PLS3: variants seen among roughly 807,000 people sequenced by gnomAD.
The protein encoded by PLS3 is plastin 3.
In PLS3, 11 loss-of-function variants were observed where a neutral mutation model predicts 46.5. That is an observed-to-expected ratio of 0.24 (90% CI 0.15 to 0.39). The LOEUF (loss-of-function observed/expected upper bound fraction) is 0.39, where lower values mean the gene tolerates loss of function less well. Among genes scored for constraint, PLS3 ranks in the 10% least tolerant of loss-of-function variants. The pLI is 1.00. For synonymous variants in PLS3, 167 were observed against 162.2 expected, an observed-to-expected ratio of 1.03 and a Z score of -0.22; for missense variants, 308 against 461.8, an observed-to-expected ratio of 0.67 and a Z score of 3.05.
chrX:115,567,312 A>G lies in PLS3; in HGVS notation c.-9+6052A>G, dbSNP rs1267970125. 2.7e-5 allele frequency among the ~76,000 whole-genome samples: 3 copies of G among 111,408 alleles called. No individual in the cohort carries two copies. In the Admixed American group the frequency reaches 2.9e-4, roughly 11 times the overall value. On this transcript the variant is annotated intron_variant, in intron 1 of 15. Coordinates refer to ENST00000355899, the MANE Select transcript of PLS3 (RefSeq NM_005032.7). ...GTAGCATGCCATGAATAACACAAAA[A>G]ATGGCCTGGCACGGTGGCTCACATC...
intron 1 of PLS3, among the ~76,000 whole-genome samples, chrX:115,565,596 T>C (rs2074167109): frequency 8.9e-6 from 1 of 111,894 alleles, no homozygotes; most frequent in Non-Finnish European, 1.9e-5. Flanking sequence ...GCTCAAGCTT[T>C]TTGGTTTGCT....
Position 115,629,217 on chromosome X carries a change from G to A in PLS3, c.257G>A (p.Ser86Asn). Residue 86 changes from serine (S) to asparagine (N), a missense_variant, in exon 4 of 16, where the codon AGT becomes AAT. Coordinates refer to ENST00000355899, the MANE Select transcript of PLS3 (RefSeq NM_005032.7). The part of the protein sequence containing the change: ...EFVYIFQEVK[S>N]SDIAKTFRKA... ...TAATAGATTTTTCAAGAGGTAAAAA[G>A]TAGTGATATTGCCAAGACCTTCCGC... is the stretch of plus-strand genomic sequence containing the variant. 1 of 1,183,295 alleles carries A rather than the reference G, an allele frequency of 8.5e-7. No homozygotes were observed. The highest frequency in any genetic ancestry group is 1.1e-6 in the Non-Finnish European group (1 of 871,425).
intron 1 of PLS3, among the ~76,000 whole-genome samples, chrX:115,600,802 G>A (rs782482747): frequency 2.7e-4 from 30 of 111,415 alleles, no homozygotes; most frequent in Admixed American, 1.5e-3. Context: ...AAGATCAGTG[G>A]GAGGTGGAGT....
At chrX:115,647,829 A>G (rs2074967921) in intron 14 of PLS3, 64 bp from the exon 15 acceptor site, 13 of 1,182,506 alleles carry the variant, frequency 1.1e-5, no homozygotes, top group Middle Eastern at 2.5e-4. Context: ...GGCACTTGAT[A>G]TAAGTAAGCA....
At chrX:115,568,445 A>T (rs1343548585) in intron 1 of PLS3, among the ~76,000 whole-genome samples, 1 of 112,271 alleles carries the variant, frequency 8.9e-6, no homozygotes, top group Non-Finnish European at 1.9e-5. Context: ...CTTTTCATTT[A>T]TTACATTATA....
rs142569974 is a variant in PLS3 at position 115,640,490 on chromosome X, T to C, written c.974T>C (p.Met325Thr). Residue 325 changes from methionine (M) to threonine (T), a missense_variant, in exon 9 of 16, where the codon ATG becomes ACG. Transcript: ENST00000355899. The stretch of plus-strand genomic sequence containing the variant: ...GGTGAACCACGGATAGATATTAACA[T>C]GTCAGGTTTCAATGTAAGTATAAGT... ...KEGEPRIDIN[M>T]SGFNETDDLK... 6.7e-5 allele frequency: 76 copies of C among 1,139,971 alleles called. No individual in the cohort carries two copies. Among genetic ancestry groups the C allele is most frequent in the Non-Finnish European group, 8.8e-5 (73 of 832,194 alleles). 93.9% of individuals were successfully genotyped at this position (1,139,971 alleles called of 1,213,427 possible). A position where few individuals can be genotyped will look rare whatever the true frequency, so the allele number is the denominator to read the frequency against.
At chrX:115,634,220 A>ATTGTTATCTGTCTGTTACC in intron 6 of PLS3, 139 bp downstream of exon 6, 1 of 448,407 alleles carries the variant, frequency 2.2e-6, no homozygotes, top group Non-Finnish European at 4.0e-6. Flanking sequence ...TCCAGATTAT[A>ATTGTTATCTGTCTGTTACC]CAGACAGAAC....
Position 115,622,253 on chromosome X carries a change from C to A in PLS3, c.81C>A (p.Asn27Lys). The part of the protein sequence containing the change: ...LKEAFAKVDL[N>K]SNGFICDYEL... ...CTCTCCTTTTTTACAAAGATCTCAA[C>A]AGCAACGGATTCATTTGTGACTATG... The change falls in exon 3 of 16, where the codon AAC (asparagine) becomes AAA (lysine). Residue 27 changes from asparagine (N) to lysine (K), a missense_variant. By Grantham distance (94) the Asn-to-Lys change is moderately conservative. Coordinates refer to ENST00000355899, the MANE Select transcript of PLS3 (RefSeq NM_005032.7). The A allele has an allele frequency of 8.4e-7, 1 of 1,195,889 alleles. No individual in the cohort carries two copies.
intron 1 of PLS3, among the ~76,000 whole-genome samples, chrX:115,599,287 G>A (rs2074417421): frequency 1.0e-5 from 1 of 98,745 alleles, no homozygotes; most frequent in Non-Finnish European, 2.0e-5. Context: ...GATCACTTGA[G>A]CCCTGGAGTT....
In PLS3 at chrX:115,597,975, T is replaced by C. The variant is rs139892199; in HGVS notation, c.-8-12268T>C. On this transcript the variant is annotated intron_variant, in intron 1 of 15. Coordinates refer to ENST00000355899, the MANE Select transcript of PLS3 (RefSeq NM_005032.7). ...CTGCTATACGTGGTGATTATTTCTT[T>C]CATAGATGTTTGCTCACCACATTGA... 3.2e-4 allele frequency among the ~76,000 whole-genome samples: 36 copies of C among 111,487 alleles called. No homozygotes were observed. In the East Asian group the frequency reaches 0.01, roughly 31 times the overall value.
At chrX:115,617,635 G>A (rs782117096) in intron 2 of PLS3, among the ~76,000 whole-genome samples, 44 of 111,945 alleles carry the variant, frequency 3.9e-4, no homozygotes, top group East Asian at 1.1e-3. Flanking sequence ...AATCTTTATC[G>A]GGAGATTTGC....
At chrX:115,635,543 C>G (rs782411006) in intron 7 of PLS3, among the ~76,000 whole-genome samples, 5 of 106,167 alleles carry the variant, frequency 4.7e-5, no homozygotes, top group Non-Finnish European at 7.7e-5. Context: ...CCCAGCTTCT[C>G]CGGAGGCTGA....
intron 7 of PLS3, among the ~76,000 whole-genome samples, chrX:115,636,521 T>C (rs1315764942): frequency 8.9e-6 from 1 of 111,966 alleles, no homozygotes; most frequent in East Asian, 2.8e-4. Flanking sequence ...TCCTTGACTT[T>C]AGAAGTGTTA....
rs782441985 is a variant in PLS3 at position 115,650,425 on chromosome X, A to C, written c.*864A>C. On this transcript the variant is annotated 3_prime_UTR_variant, in exon 16 of 16. Coordinates refer to ENST00000355899, the MANE Select transcript of PLS3 (RefSeq NM_005032.7). The stretch of plus-strand genomic sequence containing the variant: ...TTGAATATGATACTTTTGAGGAGAG[A>C]GTGTGCTCAGAACTTAGACGGGATT... The C allele has an allele frequency of 8.9e-6, 1 of 112,149 alleles. No homozygotes were observed. The highest frequency in any genetic ancestry group is 3.7e-4 in the South Asian group (1 of 2,688). 9.2% of individuals were successfully genotyped at this position (112,149 alleles called of 1,213,427 possible).
At chrX:115,564,419 TTGAC>T (rs2074159339) in intron 1 of PLS3, among the ~76,000 whole-genome samples, 1 of 112,256 alleles carries the variant, frequency 8.9e-6, no homozygotes, top group East Asian at 2.8e-4. Flanking sequence ...ACATTAGACT[TTGAC>T]TGTGACTGTT....
chrX:115,648,620 T>A (rs1438509110), intron 15 of PLS3, among the ~76,000 whole-genome samples: 1 of 111,114 alleles, frequency 9.0e-6, no homozygotes, highest in Non-Finnish European at 1.9e-5. Flanking sequence ...ACCTTACTAG[T>A]TAGACATTGA....
Position 115,636,996 on chromosome X carries a change from C to T in PLS3, c.891+18C>T. The T allele has an allele frequency of 8.4e-7, 1 of 1,197,369 alleles. No individual in the cohort carries two copies. Among genetic ancestry groups the T allele is most frequent in the Non-Finnish European group, 1.1e-6 (1 of 884,797 alleles). On this transcript the variant is annotated intron_variant, in intron 8 of 15. Coordinates refer to ENST00000355899, the MANE Select transcript of PLS3 (RefSeq NM_005032.7). ...ACATCAAGGTAACTGTTGAAAGAAT[C>T]ACAACATTTTGGGGGGATATAATAG...
rs2074746449 is a variant in PLS3, at chrX:115,629,819, T to C, written c.368-16T>C. 4.9e-6 allele frequency: 5 copies of C among 1,022,317 alleles called. No homozygotes were observed. In the South Asian group the frequency reaches 1.0e-4, roughly 21 times the overall value. 84.3% of individuals were successfully genotyped at this position (1,022,317 alleles called of 1,213,427 possible). A position where few individuals can be genotyped will look rare whatever the true frequency, so the allele number is the denominator to read the frequency against. On this transcript the variant is annotated splice_polypyrimidine_tract_variant and intron_variant, in intron 4 of 15. Transcript: ENST00000355899. ...TAGAGTATGAACTAATGTCTTGTTA[T>C]TTAACATAATTTTAGAGGAAGAAAA...
intron 6 of PLS3, 41 bp downstream of exon 6, chrX:115,634,122 T>G: frequency 1.3e-6 from 1 of 778,966 alleles, no homozygotes; most frequent in Admixed American, 2.5e-5. Flanking sequence ...GAAATTACTG[T>G]TTGAGGACCT....
Sources: gnomAD v4.1 joint callset for allele counts (sites outside exome capture counted in the v4.1 genomes callset) on GRCh38, gnomAD v4.1.1 for gene constraint, MANE v1.5 for transcripts, NCBI Gene and HGNC (gene_info 2026-07-23, HGNC 2026-07-21) for gene names.